Variants in MGAT4C observed in about 807,000 individuals in gnomAD.
MGAT4C encodes MGAT4 family member C.
MGAT4C carries 19 observed loss-of-function variants against 40.1 expected under a neutral mutation model. The ratio of observed to expected loss-of-function variants is 0.47; its 90% CI spans 0.33 to 0.70. The LOEUF is 0.70. MGAT4C is among the 30% of genes least tolerant of loss of function. The pLI is 0.02. For missense variants in MGAT4C, 491 were observed against 563.2 expected (o/e 0.87, Z 1.30); for synonymous variants, 181 against 187.1 (o/e 0.97, Z 0.27).
At chr12:86,095,227 G>A (rs372406786) in intron 1 of MGAT4C, among the ~76,000 whole-genome samples, 1 of 152,072 alleles carries the variant, frequency 6.6e-6, no homozygotes, top group African/African-American at 2.4e-5. Flanking sequence ...CATGAACAAT[G>A]CTTGGAGATC....
At chr12:86,566,250 G>T (rs1960095288) in intron 2 of MGAT4C, among the ~76,000 whole-genome samples, 1 of 151,738 alleles carries the variant, frequency 6.6e-6, no homozygotes, top group Non-Finnish European at 1.5e-5. Context: ...TAGTCAGTGG[G>T]CTGGGAAAGG....
At chr12:86,192,912 T>A in intron 1 of MGAT4C, among the ~76,000 whole-genome samples, 1 of 152,184 alleles carries the variant, frequency 6.6e-6, no homozygotes. Context: ...TAAGTTATTG[T>A]AGCATTATGA....
chr12:86,049,844 A>G (rs1188082546), intron 1 of MGAT4C, 121 bp from the exon 2 acceptor site: 9 of 192,802 alleles, frequency 4.7e-5, no homozygotes, highest in Non-Finnish European at 8.5e-5. Flanking sequence ...TTAGGATCAT[A>G]TTTATAAAAT....
chr12:86,702,536 C>G (rs1295611426), intron 2 of MGAT4C, among the ~76,000 whole-genome samples: 1 of 152,130 alleles, frequency 6.6e-6, no homozygotes, highest in African/African-American at 2.4e-5. Flanking sequence ...TTCTGGAAAT[C>G]CTATAGCTCT....
In MGAT4C at chr12:86,112,096, G is replaced by T. The variant is rs1188626656; in HGVS notation, c.-56-62373C>A. Among the ~76,000 whole-genome samples the T allele has an allele frequency of 3.3e-5, 5 of 151,736 alleles. No individual in the cohort carries two copies. In the East Asian group the frequency reaches 9.6e-4, roughly 29 times the overall value. On this transcript the variant is annotated intron_variant, in intron 1 of 4. Coordinates refer to ENST00000611864, the MANE Select transcript of MGAT4C (RefSeq NM_001351288.2). ...ATAAGCTAAATACAATAGAAAAAATGAAGACTGAAGTGCATATCATCTATG... is the reference window on the plus strand; with the variant it reads ...ATAAGCTAAATACAATAGAAAAAATTAAGACTGAAGTGCATATCATCTATG...
intron 1 of MGAT4C, among the ~76,000 whole-genome samples, chr12:86,132,364 C>CTT (rs11427959): frequency 0.022 from 3,383 of 151,054 alleles, 132 homozygotes; most frequent in African/African-American, 0.077. Context: ...AGACGATTCT[C>CTT]TTTTTTTTTG....
rs57791582 is a variant in MGAT4C, at chr12:86,782,171, ATTTTTTTT to A, written c.-261-54938_-261-54931del. On this transcript the variant is annotated intron_variant, in intron 1 of 7. Transcript: ENST00000548651. ...CCACGCCTGGCTAAATGTTTTTTGT[ATTTTTTTT>A]TTTTTTTTTTTTTTTTTTTTGAGAC... 2.5e-4 allele frequency among the ~76,000 whole-genome samples: 10 copies of A among 40,294 alleles called. No individual in the cohort carries two copies. The South Asian group carries it at 7.1e-3, about 29-fold the overall frequency. 26.4% of individuals were successfully genotyped at this position (40,294 alleles called of 152,430 possible).
intron 1 of MGAT4C, among the ~76,000 whole-genome samples, chr12:86,166,946 T>A (rs1161756880): frequency 1.3e-5 from 2 of 152,208 alleles, no homozygotes. Flanking sequence ...TGCATAATTA[T>A]GAAATAATAT....
chr12:86,460,601 G>T (rs1957582844), intron 2 of MGAT4C, among the ~76,000 whole-genome samples: 1 of 152,008 alleles, frequency 6.6e-6, no homozygotes, highest in Middle Eastern at 3.2e-3. Context: ...TTGCAGGATA[G>T]CATGTGTGTG....
chr12:86,756,467 C>T (rs1951305443), intron 1 of MGAT4C, among the ~76,000 whole-genome samples: 1 of 151,906 alleles, frequency 6.6e-6, no homozygotes, highest in East Asian at 1.9e-4. Context: ...GAGATATGCT[C>T]CCCTCTAAAT....
chr12:86,096,680 T>C (rs896570911), intron 1 of MGAT4C, among the ~76,000 whole-genome samples: 3 of 151,788 alleles, frequency 2.0e-5, no homozygotes, highest in Middle Eastern at 3.4e-3. Context: ...TTTTTACATT[T>C]AGTTACTTGA....
intron 4 of MGAT4C, among the ~76,000 whole-genome samples, chr12:86,289,634 T>C (rs1024826826): frequency 6.6e-6 from 1 of 152,306 alleles, no homozygotes. Context: ...CCTGGCTAGC[T>C]GTATTCCTAG....
At chr12:86,189,839 T>A (rs1889174679) in intron 1 of MGAT4C, among the ~76,000 whole-genome samples, 1 of 152,052 alleles carries the variant, frequency 6.6e-6, no homozygotes, top group African/African-American at 2.4e-5. Context: ...AAGTCATTAT[T>A]TGTGGTTTCA....
intron 3 of MGAT4C, among the ~76,000 whole-genome samples, chr12:86,431,831 T>C (rs1053971994): frequency 2.0e-5 from 3 of 152,184 alleles, no homozygotes; most frequent in Non-Finnish European, 2.9e-5. Context: ...GTTTCATCTG[T>C]ATCCATATAG....
Position 86,021,627 on chromosome 12 carries a change from T to A in MGAT4C, c.-7+28047A>T, listed in dbSNP as rs576079417. Among the ~76,000 whole-genome samples the A allele has an allele frequency of 4.0e-5, 6 of 148,588 alleles. No individual in the cohort carries two copies. The East Asian group carries it at 1.3e-3, about 31-fold the overall frequency. On this transcript the variant is annotated intron_variant, in intron 2 of 4. Coordinates refer to ENST00000611864, the MANE Select transcript of MGAT4C (RefSeq NM_001351288.2). ...GGGGGAGGGATAGCATTAGGAGATA[T>A]ACCTAATGTTAAATGAAGAATTAAT...
In MGAT4C at chr12:86,572,276, G is replaced by A. The variant is rs138358112; in HGVS notation, c.-228-137011C>T. ...ATATAAATCAACACAACCAGGCAGT[G>A]TCTGCTCAGAAAATACTTCCACAAA... On this transcript the variant is annotated intron_variant, in intron 2 of 7. Transcript: ENST00000548651. Among the ~76,000 whole-genome samples the A allele has an allele frequency of 2.5e-3, 382 of 152,196 alleles. 1 individual carries two copies. The highest frequency in any genetic ancestry group is 9.0e-3 in the African/African-American group (375 of 41,550).
intron 1 of MGAT4C, among the ~76,000 whole-genome samples, chr12:86,247,788 G>A (rs895348807): frequency 6.6e-6 from 1 of 152,074 alleles, no homozygotes; most frequent in African/African-American, 2.4e-5. Flanking sequence ...CATCATGCTG[G>A]GCCTTATGAA....
intron 4 of MGAT4C, among the ~76,000 whole-genome samples, chr12:86,292,160 A>G (rs1468955438): frequency 1.3e-5 from 2 of 152,178 alleles, no homozygotes; most frequent in African/African-American, 2.4e-5. Context: ...TTATTAAGCC[A>G]CTGAGATTTC....
intron 1 of MGAT4C, among the ~76,000 whole-genome samples, chr12:86,827,671 A>T (rs1383818717): frequency 6.6e-6 from 1 of 151,510 alleles, no homozygotes; most frequent in Admixed American, 6.6e-5. Context: ...AAACAAATAG[A>T]AAGAAAGTGT....
Sources: gnomAD v4.1 joint callset for allele counts (sites outside exome capture counted in the v4.1 genomes callset) on GRCh38, gnomAD v4.1.1 for gene constraint, MANE v1.5 for transcripts, NCBI Gene and HGNC (gene_info 2026-07-23, HGNC 2026-07-21) for gene names.